Variants in SSH2 observed in about 807,000 individuals in gnomAD.
The protein encoded by SSH2 is protein phosphatase Slingshot homolog 2.
In SSH2, 37 loss-of-function variants were observed where a neutral mutation model predicts 135.2. That is an observed-to-expected ratio of 0.27 (90% CI 0.21 to 0.36). The LOEUF is 0.36. Among genes scored for constraint, SSH2 ranks in the 10% least tolerant of loss-of-function variants. The pLI is 1.00. For synonymous variants in SSH2, 628 were observed against 646.2 expected (o/e 0.97, Z 0.43); for missense variants, 1,408 against 1,765.3 (o/e 0.80, Z 3.63).
At chr17:29,839,916 C>A (rs532534454) in intron 2 of SSH2, among the ~76,000 whole-genome samples, 5 of 152,188 alleles carry the variant, frequency 3.3e-5, no homozygotes, top group Non-Finnish European at 5.9e-5. Context: ...GGTTCCTCAC[C>A]TTTAAACAGG....
intron 3 of SSH2, among the ~76,000 whole-genome samples, chr17:29,783,281 T>TTA (rs910229957): frequency 1.4e-5 from 2 of 140,074 alleles, no homozygotes; most frequent in African/African-American, 2.5e-5. Context: ...TATTTATATA[T>TTA]TATATATATA....
intron 1 of SSH2, among the ~76,000 whole-genome samples, chr17:29,891,154 G>T (rs1318533634): frequency 6.6e-6 from 1 of 152,192 alleles, no homozygotes; most frequent in Non-Finnish European, 1.5e-5. Flanking sequence ...GTCAGTGTAA[G>T]GACCAGCCTG....
At chr17:29,761,431 C>G in intron 3 of SSH2, 1 of 1,008,748 alleles carries the variant, frequency 9.9e-7, no homozygotes, top group Non-Finnish European at 1.2e-6. Flanking sequence ...AGAGTCCGGA[C>G]TGACGGGCGT....
intron 3 of SSH2, among the ~76,000 whole-genome samples, chr17:29,779,836 A>AAAAAAAAAAAAAAT: frequency 6.7e-6 from 1 of 148,912 alleles, no homozygotes; most frequent in Admixed American, 6.7e-5. Context: ...AAAAAAAAAA[A>AAAAAAAAAAAAAAT]AAAAGATGAA....
intron 3 of SSH2, among the ~76,000 whole-genome samples, chr17:29,785,393 G>T (rs1776953774): frequency 6.6e-6 from 1 of 151,494 alleles, no homozygotes; most frequent in African/African-American, 2.4e-5. Flanking sequence ...ATATTTCAGT[G>T]CAATCTTGTT....
chr17:29,770,127 T>C (rs2041546242), intron 3 of SSH2, among the ~76,000 whole-genome samples: 1 of 135,538 alleles, frequency 7.4e-6, no homozygotes, highest in South Asian at 2.3e-4. Context: ...TTTAACAGAG[T>C]CTCACTCCAT....
At chr17:29,678,734 A>ATTT (rs2037836881) in intron 6 of SSH2, among the ~76,000 whole-genome samples, 2 of 4,050 alleles carry the variant, frequency 4.9e-4, no homozygotes. Context: ...TTTTTTTTTG[A>ATTT]GACAGAGTCT....
rs76607382 is a variant in SSH2 at position 29,894,392 on chromosome 17, C to A, written c.63+35546G>T. Among the ~76,000 whole-genome samples the A allele has an allele frequency of 7.6e-4, 115 of 151,898 alleles. No individual in the cohort carries two copies. In the East Asian group the frequency reaches 0.019, roughly 25 times the overall value. ...CCACAGAGGATTGATTCCAGGACCCCTACAGATATCAAAATCCACAGATGC... is the reference window on the plus strand; with the variant it reads ...CCACAGAGGATTGATTCCAGGACCCATACAGATATCAAAATCCACAGATGC... On this transcript the variant is annotated intron_variant, in intron 1 of 15. Transcript: ENST00000540801.
At chr17:29,644,487 C>G (rs1331184236) in intron 14 of SSH2, among the ~76,000 whole-genome samples, 2 of 152,140 alleles carry the variant, frequency 1.3e-5, no homozygotes, top group Non-Finnish European at 2.9e-5. Flanking sequence ...CACTACAATG[C>G]CACACTTGTA....
chr17:29,731,424 TATTTATTTA>T lies in SSH2; in HGVS notation c.189-28371_189-28363del, dbSNP rs1282209389. ...TTTCATAGCAGAAGTATTTTTTATT[TATTTATTTA>T]TTTATTTATTTATTTATTTATTTAT... On this transcript the variant is annotated intron_variant, in intron 3 of 15. Transcript: ENST00000540801. Among the ~76,000 whole-genome samples the T allele has an allele frequency of 4.9e-3, 437 of 89,468 alleles. 2 individuals carry two copies. The highest frequency in any genetic ancestry group is 0.018 in the African/African-American group (417 of 23,030). The allele number at this position is 89,468 out of a possible 152,430, so 58.7% of individuals were successfully genotyped here. A position where few individuals can be genotyped will look rare whatever the true frequency, so the allele number is the denominator to read the frequency against.
chr17:29,705,639 T>C (rs2039167771), intron 3 of SSH2, among the ~76,000 whole-genome samples: 1 of 152,350 alleles, frequency 6.6e-6, no homozygotes, highest in East Asian at 1.9e-4. Context: ...GTCTTTAGCT[T>C]GGTCTTCAAG....
In SSH2 at chr17:29,689,851, TA is replaced by T. The variant is rs199810001; in HGVS notation, c.358-5168del. 7.9e-3 allele frequency among the ~76,000 whole-genome samples: 1,200 copies of T among 151,800 alleles called. 12 individuals are homozygous for T. The highest frequency in any genetic ancestry group is 0.024 in the Middle Eastern group (7 of 292). The stretch of plus-strand genomic sequence containing the variant: ...CGGGAGGCTGCAGTGGGAGTATTAC[TA>T]AAAATACAAAAATTAGCAGGGCATC... On this transcript the variant is annotated intron_variant, in intron 5 of 15. Coordinates refer to ENST00000540801, the MANE Select transcript of SSH2 (RefSeq NM_001282129.2).
chr17:29,631,847 G>C lies in SSH2; in HGVS notation c.3347C>G (p.Pro1116Arg), dbSNP rs535698386. ...PHSSSPEHNRPTDHPTSILSS... is the reference protein window; with the variant it reads ...PHSSSPEHNRRTDHPTSILSS... ...CAGGATGGAGGTTGGATGGTCAGTG[G>C]GTCTGTTGTGCTCAGGGGAGGAAGA... is the stretch of plus-strand genomic sequence containing the variant. Residue 1116 changes from proline (P) to arginine (R), a missense_variant, in exon 16 of 16, where the codon CCC (proline) becomes CGC (arginine). Physicochemically the swap from Pro to Arg is moderately radical, Grantham distance 103. This residue lies in a region of SSH2 where 1,080 missense variants were observed against 1,144.5 expected (regional missense o/e 0.94). Transcript: ENST00000540801. 6.2e-7 allele frequency: 1 copy of C among 1,614,186 alleles called. No individual in the cohort carries two copies. The highest frequency in any genetic ancestry group is 1.3e-5 in the African/African-American group (1 of 75,038).
intron 1 of SSH2, chr17:29,863,508 T>C (rs1307510692): frequency 6.6e-6 from 1 of 152,194 alleles, no homozygotes; most frequent in African/African-American, 2.4e-5. Flanking sequence ...AACTGCCCTT[T>C]CTATGCCTTT....
At chr17:29,843,131 A>C (rs980329852) in intron 2 of SSH2, among the ~76,000 whole-genome samples, 1 of 152,248 alleles carries the variant, frequency 6.6e-6, no homozygotes, top group South Asian at 2.1e-4. Context: ...CTGTAGGCTT[A>C]AACACCATCC....
At chr17:29,874,676 T>A (rs1219732081) in intron 1 of SSH2, among the ~76,000 whole-genome samples, 1 of 152,136 alleles carries the variant, frequency 6.6e-6, no homozygotes, top group Non-Finnish European at 1.5e-5. Context: ...GAATTGTGAG[T>A]TGATTAAACC....
At chr17:29,705,721 A>C (rs778668563) in intron 3 of SSH2, among the ~76,000 whole-genome samples, 26 of 151,934 alleles carry the variant, frequency 1.7e-4, no homozygotes, top group Non-Finnish European at 3.5e-4. Flanking sequence ...ATGATCTATG[A>C]TTCTTCTTTC....
At position 29,930,024 on chromosome 17, in the gene SSH2, G is replaced by C; in HGVS notation, c.-24C>G. 3.2e-6 allele frequency: 5 copies of C among 1,584,894 alleles called. No homozygotes were observed. The highest frequency in any genetic ancestry group is 2.6e-6 in the Non-Finnish European group (3 of 1,166,146). On this transcript the variant is annotated 5_prime_UTR_variant, in exon 1 of 16. Transcript: ENST00000540801. ...ATCTAGGCGCTGCTGGGTTGTTCCG[G>C]GCAGGGCATTCTTGTCCTGAGTGTG...
intron 1 of SSH2, among the ~76,000 whole-genome samples, chr17:29,895,332 CATTTTATATATGAAATATATAAAATAT>C (rs2066430986): frequency 1.2e-4 from 5 of 41,106 alleles, no homozygotes; most frequent in African/African-American, 5.4e-4. Flanking sequence ...TTTATATATA[CATTTTATATATGAAATATATAAAATAT>C]ATTTTATATA....
Sources: allele counts gnomAD v4.1 joint callset (sites outside exome capture counted in the v4.1 genomes callset), GRCh38; gene constraint gnomAD v4.1.1; regional missense constraint gnomAD v4.1.1; transcripts MANE v1.5; gene names NCBI Gene and HGNC (gene_info 2026-07-23, HGNC 2026-07-21).